Variants in SIL1 observed in about 807,000 individuals in gnomAD.
SIL1 encodes the protein SIL1 nucleotide exchange factor, also known as nucleotide exchange factor SIL1.
In SIL1, 40 loss-of-function variants were observed where a neutral mutation model predicts 49.1. The observed-to-expected ratio is 0.81, with a 90% CI of 0.63 to 1.06. The LOEUF is 1.06. Among genes scored for constraint, SIL1 ranks in the 50% least tolerant of loss-of-function variants. The probability of loss-of-function intolerance (pLI) is 0.00; values close to 1 mark genes in which losing one functional copy is unlikely to be tolerated. For missense variants in SIL1, 500 were observed against 572.6 expected, an observed-to-expected ratio of 0.87 and a Z score of 1.29; for synonymous variants, 253 against 250.8, an observed-to-expected ratio of 1.01 and a Z score of -0.08.
chr5:139,167,482 A>C (rs1451730122), intron 1 of SIL1, among the ~76,000 whole-genome samples: 1 of 152,242 alleles, frequency 6.6e-6, no homozygotes, highest in Non-Finnish European at 1.5e-5. Context: ...TTAACAAAAA[A>C]AGTTTAAAAA....
intron 1 of SIL1, among the ~76,000 whole-genome samples, chr5:139,180,381 CAAAAAAA>C (rs35534058): frequency 3.5e-4 from 20 of 57,056 alleles, no homozygotes; most frequent in East Asian, 1.6e-3. Context: ...AACTCCATCT[CAAAAAAA>C]AAAAAAAAAA....
intron 6 of SIL1, among the ~76,000 whole-genome samples, chr5:139,024,483 C>A (rs530608337): frequency 6.6e-6 from 1 of 152,336 alleles, no homozygotes; most frequent in South Asian, 2.1e-4. Context: ...TCTTTCACCA[C>A]AGATGCTGGC....
chr5:139,154,510 A>G (rs1450122372), intron 1 of SIL1, among the ~76,000 whole-genome samples: 1 of 152,254 alleles, frequency 6.6e-6, no homozygotes, highest in Non-Finnish European at 1.5e-5. Flanking sequence ...CATGTCTTCC[A>G]CAATGCTGTG....
At chr5:139,100,770 C>T (rs1770569860) in intron 3 of SIL1, among the ~76,000 whole-genome samples, 2 of 152,046 alleles carry the variant, frequency 1.3e-5, no homozygotes, top group South Asian at 4.2e-4. Context: ...AGGATTTTGA[C>T]CTGAAAAATT....
chr5:139,121,677 C>T (rs1354404953), intron 2 of SIL1, among the ~76,000 whole-genome samples: 1 of 152,216 alleles, frequency 6.6e-6, no homozygotes, highest in Non-Finnish European at 1.5e-5. Flanking sequence ...CAACTGATTC[C>T]CAAGCAGCCC....
At position 139,082,505 on chromosome 5, in the gene SIL1, G is replaced by A. The variant is rs557004726; in HGVS notation, c.245-31459C>T. On this transcript the variant is annotated intron_variant, in intron 3 of 9. Transcript: ENST00000394817. Reference sequence around the variant, plus strand: ...ATTTGATACAAAGACCAGAATCTATGTTCCAAGATAGGGCCTGGAAGCCCC... The same window carrying A: ...ATTTGATACAAAGACCAGAATCTATATTCCAAGATAGGGCCTGGAAGCCCC... 5.3e-5 allele frequency among the ~76,000 whole-genome samples: 8 copies of A among 152,310 alleles called. No individual in the cohort carries two copies. In the East Asian group the frequency reaches 1.5e-3, roughly 29 times the overall value.
At chr5:138,979,729 G>A (rs1231359808) in intron 7 of SIL1, among the ~76,000 whole-genome samples, 3 of 152,174 alleles carry the variant, frequency 2.0e-5, no homozygotes, top group African/African-American at 7.2e-5. Flanking sequence ...GTGTTGGGAT[G>A]GGCTATGAGA....
chr5:139,172,886 T>A (rs1290726548), intron 1 of SIL1, among the ~76,000 whole-genome samples: 1 of 152,006 alleles, frequency 6.6e-6, no homozygotes, highest in Non-Finnish European at 1.5e-5. Flanking sequence ...ACATTTCCAA[T>A]TTTAGATAAT....
chr5:139,043,411 G>C (rs1367540208), intron 4 of SIL1, among the ~76,000 whole-genome samples: 3 of 152,184 alleles, frequency 2.0e-5, no homozygotes, highest in African/African-American at 7.2e-5. Context: ...GGGGACAACA[G>C]GGCCCTGAGC....
intron 7 of SIL1, among the ~76,000 whole-genome samples, chr5:138,964,280 G>C (rs1229412852): frequency 6.6e-6 from 1 of 152,206 alleles, no homozygotes; most frequent in African/African-American, 2.4e-5. Context: ...CTAGAGCAAA[G>C]AACGAACATA....
chr5:139,166,831 C>A (rs372841114), intron 1 of SIL1, among the ~76,000 whole-genome samples: 44 of 151,262 alleles, frequency 2.9e-4, no homozygotes, highest in African/African-American at 1.0e-3. Context: ...TTTTTTGAGA[C>A]AGAGTCTCAC....
At chr5:138,965,692 G>C (rs1767124529) in intron 7 of SIL1, among the ~76,000 whole-genome samples, 1 of 148,830 alleles carries the variant, frequency 6.7e-6, no homozygotes, top group Admixed American at 6.9e-5. Flanking sequence ...ACCCACGGAG[G>C]GGGATAACAG....
At chr5:138,978,500 T>G (rs762247326) in intron 7 of SIL1, among the ~76,000 whole-genome samples, 3 of 152,240 alleles carry the variant, frequency 2.0e-5, no homozygotes, top group Admixed American at 1.3e-4. Context: ...GCTATGCACA[T>G]TCATGTACAA....
At chr5:138,949,303 A>AGGTACATATGAGGACTGCCTGGGGCCTG (rs1174483949) in intron 9 of SIL1, among the ~76,000 whole-genome samples, 27 of 152,308 alleles carry the variant, frequency 1.8e-4, no homozygotes, top group Non-Finnish European at 3.4e-4. Context: ...TCACAGGCCA[A>AGGTACATATGAGGACTGCCTGGGGCCTG]GGTACATATG....
intron 3 of SIL1, among the ~76,000 whole-genome samples, chr5:139,089,164 A>T (rs1770289004): frequency 6.6e-6 from 1 of 152,222 alleles, no homozygotes; most frequent in Non-Finnish European, 1.5e-5. Flanking sequence ...ACTATTTAAC[A>T]TTTGAAAGAC....
intron 3 of SIL1, among the ~76,000 whole-genome samples, chr5:139,068,644 A>C (rs1262082638): frequency 1.4e-5 from 2 of 143,274 alleles, no homozygotes; most frequent in East Asian, 3.9e-4. Context: ...AGCTTGACTC[A>C]GAATGAAAAG....
chr5:139,094,369 T>C (rs1009290429), intron 3 of SIL1, among the ~76,000 whole-genome samples: 1 of 152,258 alleles, frequency 6.6e-6, no homozygotes, highest in Non-Finnish European at 1.5e-5. Context: ...GATCCAGATG[T>C]GAGCAAGACA....
intron 5 of SIL1, among the ~76,000 whole-genome samples, chr5:139,032,667 C>T (rs1361187783): frequency 6.6e-6 from 1 of 152,158 alleles, no homozygotes; most frequent in East Asian, 1.9e-4. Flanking sequence ...TGGTTAATAT[C>T]TCCAGTGAAA....
intron 4 of SIL1, among the ~76,000 whole-genome samples, chr5:139,045,217 C>T (rs1376597083): frequency 6.6e-6 from 1 of 152,020 alleles, no homozygotes; most frequent in South Asian, 2.1e-4. Flanking sequence ...ATTAGCCAGG[C>T]AAGGTGGTGT....
Sources: allele counts gnomAD v4.1 joint callset (sites outside exome capture counted in the v4.1 genomes callset), GRCh38; gene constraint gnomAD v4.1.1; transcripts MANE v1.5; gene names NCBI Gene and HGNC (gene_info 2026-07-23, HGNC 2026-07-21).